Variants in ADAMTSL1 observed in about 807,000 individuals in gnomAD.
The protein encoded by ADAMTSL1 is ADAMTS-like protein 1.
A neutral mutation model predicts 201.8 loss-of-function variants in ADAMTSL1; 126 were observed. The observed-to-expected ratio is 0.62, with a 90% CI of 0.54 to 0.72. ADAMTSL1 has a LOEUF of 0.72. ADAMTSL1 is among the 30% of genes least tolerant of loss of function. The pLI, the probability that ADAMTSL1 is intolerant of heterozygous loss-of-function variation, is 0.00. For synonymous variants in ADAMTSL1, 1,121 were observed against 903.4 expected (o/e 1.24, Z -4.32); for missense variants, 2,679 against 2,277.8 (o/e 1.18, Z -3.59).
chr9:18,054,824 A>G (rs1822102563), intron 1 of ADAMTSL1, among the ~76,000 whole-genome samples: 1 of 152,354 alleles, frequency 6.6e-6, no homozygotes, highest in East Asian at 1.9e-4. Flanking sequence ...GATAAATTTA[A>G]AAATTGACAT....
intron 2 of ADAMTSL1, among the ~76,000 whole-genome samples, chr9:18,405,471 A>G (rs867966841): frequency 6.6e-6 from 1 of 152,144 alleles, no homozygotes. Flanking sequence ...AAATTCCAAA[A>G]TCATTCTACA....
intron 2 of ADAMTSL1, among the ~76,000 whole-genome samples, chr9:18,394,814 A>G (rs1167467328): frequency 2.0e-5 from 3 of 152,154 alleles, no homozygotes; most frequent in Admixed American, 1.3e-4. Flanking sequence ...ATTTTTTTGC[A>G]TTATGCTATT....
intron 2 of ADAMTSL1, among the ~76,000 whole-genome samples, chr9:18,403,492 T>C (rs1241572459): frequency 6.6e-6 from 1 of 152,136 alleles, no homozygotes; most frequent in Admixed American, 6.6e-5. Context: ...CCCTTCCCCA[T>C]TTAATTTTAA....
intron 7 of ADAMTSL1, among the ~76,000 whole-genome samples, chr9:18,654,432 A>G (rs890543951): frequency 8.5e-5 from 13 of 152,318 alleles, no homozygotes; most frequent in Non-Finnish European, 1.6e-4. Flanking sequence ...ATATAATTCA[A>G]TTGTGTGTTC....
At chr9:18,232,071 T>C (rs558224136) in intron 2 of ADAMTSL1, among the ~76,000 whole-genome samples, 30 of 152,236 alleles carry the variant, frequency 2.0e-4, no homozygotes, top group Non-Finnish European at 3.5e-4. Flanking sequence ...TCCATGTCAC[T>C]CAAAGTAAAA....
chr9:18,820,960 G>A (rs1298540938), intron 21 of ADAMTSL1, among the ~76,000 whole-genome samples: 1 of 152,222 alleles, frequency 6.6e-6, no homozygotes, highest in Non-Finnish European at 1.5e-5. Context: ...AACCTGGCTG[G>A]TGGTGTGGCT....
chr9:18,702,995 C>T (rs1373633451), intron 13 of ADAMTSL1, among the ~76,000 whole-genome samples: 1 of 152,164 alleles, frequency 6.6e-6, no homozygotes, highest in Non-Finnish European at 1.5e-5. Flanking sequence ...CTCCTGACCT[C>T]AGGTGATCTG....
At position 18,681,882 on chromosome 9, in the gene ADAMTSL1, C is replaced by G. The variant is rs150468859; in HGVS notation, c.1412C>G (p.Thr471Arg). Residue 471 changes from threonine (T) to arginine (R), a missense_variant, in exon 12 of 29, where the codon ACA (threonine) becomes AGA (arginine). Physicochemically the swap from Thr to Arg is moderately conservative, Grantham distance 71. Transcript: ENST00000380548. Reference protein sequence around the residue: ...VLCIDHRGMHTGGCSPKTKPH... With the variant: ...VLCIDHRGMHRGGCSPKTKPH... ...TGCATCGACCATCGAGGAATGCACA[C>G]AGGAGGCTGTAGCCCAAAAACAAAG... 6.2e-7 allele frequency: 1 copy of G among 1,613,938 alleles called. No individual in the cohort carries two copies. The highest frequency in any genetic ancestry group is 1.3e-5 in the African/African-American group (1 of 74,896).
intron 1 of ADAMTSL1, among the ~76,000 whole-genome samples, chr9:18,495,854 C>A (rs1452030459): frequency 6.6e-6 from 1 of 152,160 alleles, no homozygotes; most frequent in African/African-American, 2.4e-5. Context: ...CTGGATATTT[C>A]TCATGGTCTT....
intron 1 of ADAMTSL1, among the ~76,000 whole-genome samples, chr9:17,952,533 G>A (rs1358041408): frequency 6.6e-6 from 1 of 151,960 alleles, no homozygotes; most frequent in Non-Finnish European, 1.5e-5. Flanking sequence ...TTGTATCTGT[G>A]CTTTGTAGTC....
At chr9:18,176,686 C>G (rs1432700820) in intron 2 of ADAMTSL1, among the ~76,000 whole-genome samples, 4 of 152,146 alleles carry the variant, frequency 2.6e-5, no homozygotes, top group African/African-American at 9.7e-5. Flanking sequence ...ATCAACTTTA[C>G]TCAGCACCAT....
intron 7 of ADAMTSL1, 45 bp downstream of exon 7, chr9:18,639,456 G>T (rs529080508): frequency 6.3e-7 from 1 of 1,586,540 alleles, no homozygotes; most frequent in Admixed American, 1.8e-5. Flanking sequence ...CATCCCAAAT[G>T]ATGTTACTTA....
intron 2 of ADAMTSL1, among the ~76,000 whole-genome samples, chr9:18,219,565 C>T (rs985441079): frequency 2.6e-5 from 4 of 151,942 alleles, no homozygotes; most frequent in Non-Finnish European, 5.9e-5. Context: ...GACAGGGTTT[C>T]ACCACATTGG....
chr9:18,359,903 T>C (rs1423294293), intron 2 of ADAMTSL1, among the ~76,000 whole-genome samples: 1 of 145,216 alleles, frequency 6.9e-6, no homozygotes, highest in Non-Finnish European at 1.5e-5. Flanking sequence ...TTAAGTAACT[T>C]TGAAAAAGTT....
chr9:18,752,356 A>G (rs1176430023), intron 15 of ADAMTSL1, among the ~76,000 whole-genome samples: 1 of 152,224 alleles, frequency 6.6e-6, no homozygotes, highest in Non-Finnish European at 1.5e-5. Context: ...TCAGGACAAA[A>G]GCTAGGTGGG....
At chr9:18,164,278 A>G (rs1827536383) in intron 2 of ADAMTSL1, among the ~76,000 whole-genome samples, 1 of 151,992 alleles carries the variant, frequency 6.6e-6, no homozygotes, top group Non-Finnish European at 1.5e-5. Context: ...TCTGAACATG[A>G]AATGGTAATA....
chr9:18,545,723 G>A (rs10810986), intron 3 of ADAMTSL1, among the ~76,000 whole-genome samples: 46,210 of 151,988 alleles, frequency 0.3, 7,330 homozygotes, highest in East Asian at 0.61. Flanking sequence ...TCATAAAAAG[G>A]ATGCTGGCCT....
Position 18,605,874 on chromosome 9 carries a change from G to A in ADAMTSL1, c.475-16369G>A, listed in dbSNP as rs1368006068. Among the ~76,000 whole-genome samples, 6 of 152,240 alleles carry A rather than the reference G, an allele frequency of 3.9e-5. No homozygotes were observed. In the East Asian group the frequency reaches 1.2e-3, roughly 29 times the overall value. ...TTGGAACACACTCTCCTTGCGTCAC[G>A]CTTGACCCAGGCTGGGTGGTGGAAG... On this transcript the variant is annotated intron_variant, in intron 4 of 28. Transcript: ENST00000380548.
chr9:18,838,510 G>T (rs906498896), intron 23 of ADAMTSL1, among the ~76,000 whole-genome samples: 1 of 150,722 alleles, frequency 6.6e-6, no homozygotes. Flanking sequence ...GGTGGCTCCA[G>T]TTTAAAAATA....
Sources: gnomAD v4.1 joint callset for allele counts (sites outside exome capture counted in the v4.1 genomes callset) on GRCh38, gnomAD v4.1.1 for gene constraint, MANE v1.5 for transcripts, NCBI Gene and HGNC (gene_info 2026-07-23, HGNC 2026-07-21) for gene names.